WDFY3: variants seen among roughly 807,000 people sequenced by gnomAD.
WDFY3 encodes the protein WD repeat and FYVE domain-containing protein 3.
WDFY3 carries 66 observed loss-of-function variants against 409.6 expected under a neutral mutation model. The observed-to-expected ratio is 0.16, with a 90% CI of 0.13 to 0.20. WDFY3 has a LOEUF of 0.20. Ranked by LOEUF, WDFY3 falls within the 10% of genes least tolerant of loss-of-function variation. WDFY3 has a pLI of 1.00. For missense variants in WDFY3, 3,031 were observed against 4,298.1 expected, an observed-to-expected ratio of 0.71 and a Z score of 8.24; for synonymous variants, 1,521 against 1,537.1, an observed-to-expected ratio of 0.99 and a Z score of 0.25.
intron 23 of WDFY3, 69 bp from the exon 24 acceptor site, chr4:84,786,208 T>G: frequency 1.4e-6 from 2 of 1,447,814 alleles, no homozygotes; most frequent in Non-Finnish European, 1.8e-6. Flanking sequence ...TTTTTATTCT[T>G]ACTATCATTT....
At chr4:84,803,121 T>C (rs1339454838) in intron 16 of WDFY3, 169 bp downstream of exon 16, 1 of 661,580 alleles carries the variant, frequency 1.5e-6, no homozygotes, top group South Asian at 3.7e-5. Context: ...ATATCTACCA[T>C]TTATCATGAA....
At chr4:84,704,294 G>T in intron 55 of WDFY3, 44 bp downstream of exon 55, 2 of 1,370,276 alleles carry the variant, frequency 1.5e-6, no homozygotes, top group Non-Finnish European at 2.0e-6. Context: ...TTAGATAGAA[G>T]TAGGCTTGTA....
In WDFY3 at chr4:84,770,319, C is replaced by T. The variant is rs563547806; in HGVS notation, c.4849+2516G>A. Among the ~76,000 whole-genome samples the T allele has an allele frequency of 6.6e-5, 10 of 152,196 alleles. No individual in the cohort carries two copies. The South Asian group carries it at 1.9e-3, about 28-fold the overall frequency. Reference sequence around the variant, plus strand: ...CTGGGATTACAGGTGTGAGCCACCGCGCCCGGCCGAGTTATATACATTTTT... The same window carrying T: ...CTGGGATTACAGGTGTGAGCCACCGTGCCCGGCCGAGTTATATACATTTTT... On this transcript the variant is annotated intron_variant, in intron 30 of 67. Transcript: ENST00000295888.
rs1220031306 is a variant in WDFY3 at position 84,679,058 on chromosome 4, G to T, written c.10008C>A (p.Asp3336Glu). 2.5e-6 allele frequency: 4 copies of T among 1,614,244 alleles called. No homozygotes were observed. In the South Asian group the frequency reaches 3.3e-5, roughly 13 times the overall value. Residue 3336 changes from aspartate (D) to glutamate (E), a missense_variant, in exon 65 of 68, where the codon GAC (aspartate) becomes GAA (glutamate). Physicochemically the swap from Asp to Glu is conservative, Grantham distance 45. Coordinates refer to ENST00000295888, the MANE Select transcript of WDFY3 (RefSeq NM_014991.6). ...SGSDDSRRWS[D>E]QLSLDEKDGF... ...CGTCTTTCTCATCTAGACTGAGCTG[G>T]TCGGACCAGCGTCTGGAGTCGTCAG...
intron 56 of WDFY3, among the ~76,000 whole-genome samples, chr4:84,698,624 C>T (rs1164156166): frequency 6.6e-6 from 1 of 152,032 alleles, no homozygotes; most frequent in Non-Finnish European, 1.5e-5. Flanking sequence ...GATGCATGGA[C>T]AAGAAGACCC....
chr4:84,899,483 A>T (rs1265947797), intron 2 of WDFY3, among the ~76,000 whole-genome samples: 2 of 152,224 alleles, frequency 1.3e-5, no homozygotes, highest in African/African-American at 4.8e-5. Flanking sequence ...TTTATTATGT[A>T]CTCATGATAA....
At chr4:84,682,955 C>G (rs1404863475) in intron 63 of WDFY3, 2 of 155,442 alleles carry the variant, frequency 1.3e-5, no homozygotes, top group African/African-American at 4.8e-5. Context: ...ACACTCCAGC[C>G]TGGGCGACAG....
chr4:84,703,158 C>T (rs1278686271), intron 55 of WDFY3, among the ~76,000 whole-genome samples: 1 of 151,180 alleles, frequency 6.6e-6, no homozygotes, highest in Non-Finnish European at 1.5e-5. Flanking sequence ...GATGCCATCA[C>T]AAGAAAAGAT....
chr4:84,689,698 T>C (rs192365707), intron 61 of WDFY3, among the ~76,000 whole-genome samples: 1 of 152,314 alleles, frequency 6.6e-6, no homozygotes, highest in East Asian at 1.9e-4. Context: ...GACTTTAGAC[T>C]TGTGTCTTGA....
At chr4:84,846,967 T>C (rs572768575) in intron 5 of WDFY3, among the ~76,000 whole-genome samples, 1 of 152,092 alleles carries the variant, frequency 6.6e-6, no homozygotes, top group South Asian at 2.1e-4. Context: ...GGAAAATATG[T>C]TCAAGAGCAG....
In WDFY3 at chr4:84,772,924, C is replaced by A. The variant is rs746280307; in HGVS notation, c.4760G>T (p.Gly1587Val). ...TGGCAAAGTAGAAGAAATAAACTGC[C>A]CAAATCTTTAAACAAAGGAAAACAA... is the stretch of plus-strand genomic sequence containing the variant. ...FPSSNDLLRFGQFISSTLPTF... is the reference protein window; with the variant it reads ...FPSSNDLLRFVQFISSTLPTF... Residue 1587 changes from glycine to valine, a missense_variant, in exon 30 of 68, where the codon GGG becomes GTG. Physicochemically the swap from Gly to Val is moderately radical, Grantham distance 109. Around this residue, in one of 16 missense-constraint regions of WDFY3, gnomAD observed 342 missense variants for 463.7 expected, o/e 0.74. Transcript: ENST00000295888. 2 of 1,598,062 alleles carry A rather than the reference C, an allele frequency of 1.3e-6. No homozygotes were observed. The highest frequency in any genetic ancestry group is 1.1e-5 in the South Asian group (1 of 87,456).
intron 4 of WDFY3, among the ~76,000 whole-genome samples, chr4:84,850,888 C>A (rs897238609): frequency 1.1e-4 from 14 of 127,328 alleles, no homozygotes; most frequent in Non-Finnish European, 2.3e-4. Flanking sequence ...AATAAATGAG[C>A]TTTAGAATAA....
chr4:84,965,317 A>G (rs1202180083), intron 1 of WDFY3, among the ~76,000 whole-genome samples: 4 of 152,242 alleles, frequency 2.6e-5, no homozygotes, highest in African/African-American at 9.6e-5. Flanking sequence ...CTGAACAAAA[A>G]TAGTTTTTCG....
rs368287527 is a variant in WDFY3, at chr4:84,721,692, G to A, written c.7442-120C>T. 2.9e-5 allele frequency: 34 copies of A among 1,161,954 alleles called. No homozygotes were observed. In the African/African-American group the frequency reaches 3.1e-4, roughly 11 times the overall value. 72.0% of individuals were successfully genotyped at this position (1,161,954 alleles called of 1,614,324 possible). ...TTGAGACAATTTTGGAAGGTATAGG[G>A]AGGTAGCACATTCAGTGGTTAAGAA... On this transcript the variant is annotated intron_variant, in intron 46 of 67. Transcript: ENST00000295888.
intron 58 of WDFY3, among the ~76,000 whole-genome samples, chr4:84,693,847 A>G (rs1415237949): frequency 6.6e-6 from 1 of 150,542 alleles, no homozygotes; most frequent in Non-Finnish European, 1.5e-5. Context: ...GTGAGCCGAG[A>G]TTGCGCCACT....
chr4:84,767,664 A>T (rs970219546), intron 30 of WDFY3, among the ~76,000 whole-genome samples: 3 of 152,152 alleles, frequency 2.0e-5, no homozygotes, highest in Non-Finnish European at 4.4e-5. Context: ...TTGCTGATAG[A>T]AAGTTTTACT....
At chr4:84,905,082 T>C (rs1287992842) in intron 2 of WDFY3, among the ~76,000 whole-genome samples, 1 of 152,178 alleles carries the variant, frequency 6.6e-6, no homozygotes, top group African/African-American at 2.4e-5. Context: ...ACACCTGTAA[T>C]CTCAGCACTT....
At chr4:84,962,348 A>T (rs1211531947) in intron 1 of WDFY3, among the ~76,000 whole-genome samples, 2 of 152,216 alleles carry the variant, frequency 1.3e-5, no homozygotes, top group Non-Finnish European at 2.9e-5. Context: ...CACATGTAAC[A>T]ACTTAATAAA....
At position 84,831,526 on chromosome 4, in the gene WDFY3, G is replaced by C; in HGVS notation, c.656C>G (p.Ala219Gly). ...ATAGGGAGGGCACCAAGAGGTTATT[G>C]CACTGAATAGAAGCTGGAGATCATC... Reference protein sequence around the residue: ...QKDDLQLLFSAITSWCPPYNL... With the variant: ...QKDDLQLLFSGITSWCPPYNL... Residue 219 changes from alanine to glycine, a missense_variant, in exon 8 of 68, where the codon GCA (alanine) becomes GGA (glycine). This residue lies in a region of WDFY3 where 1,322 missense variants were observed against 1,697.9 expected (regional missense o/e 0.78). Transcript: ENST00000295888. The C allele has an allele frequency of 1.9e-6, 3 of 1,614,100 alleles. No homozygotes were observed. The highest frequency in any genetic ancestry group is 2.5e-6 in the Non-Finnish European group (3 of 1,179,998).
Sources: gnomAD v4.1 joint callset for allele counts (sites outside exome capture counted in the v4.1 genomes callset) on GRCh38, gnomAD v4.1.1 for gene constraint, gnomAD v4.1.1 regional missense constraint, MANE v1.5 for transcripts, NCBI Gene and HGNC (gene_info 2026-07-23, HGNC 2026-07-21) for gene names.